The following C2CD2 variants were observed in gnomAD, a reference collection of about 807,000 sequenced individuals.
The protein encoded by C2CD2 is C2 calcium dependent domain containing 2, also known as C2 domain-containing protein 2.
A neutral mutation model predicts 74.3 loss-of-function variants in C2CD2; 43 were observed. The ratio of observed to expected loss-of-function variants is 0.58; its 90% CI spans 0.45 to 0.75. The LOEUF (loss-of-function observed/expected upper bound fraction) is 0.75, where lower values mean the gene tolerates loss of function less well. C2CD2 is among the 30% of genes least tolerant of loss of function. C2CD2 has a pLI of 0.00. For synonymous variants in C2CD2, 422 were observed against 390.7 expected (o/e 1.08, Z -0.94); for missense variants, 801 against 916.3 (o/e 0.87, Z 1.63).
chr21:41,921,931 T>A (rs2065158127), intron 3 of C2CD2, 41 bp downstream of exon 3: 5 of 1,229,782 alleles, frequency 4.1e-6, no homozygotes, highest in Non-Finnish European at 6.0e-6. Context: ...TTCTGAGAAC[T>A]GTGACGGGTC....
chr21:41,893,007 C>T (rs1330673736), intron 13 of C2CD2, among the ~76,000 whole-genome samples: 2 of 152,174 alleles, frequency 1.3e-5, no homozygotes, highest in African/African-American at 4.8e-5. Flanking sequence ...GTTCAAAAGA[C>T]CTTAGAACAG....
In C2CD2 at chr21:41,948,447, C is replaced by T. The variant is rs201786039; in HGVS notation, c.279+4923G>A. Reference sequence around the variant, plus strand: ...AAGGGGAGGATCAGGGACCTCTGAGCTGAGACCCAAAAGATTTAGAGAAGT... The same window carrying T: ...AAGGGGAGGATCAGGGACCTCTGAGTTGAGACCCAAAAGATTTAGAGAAGT... On this transcript the variant is annotated intron_variant, in intron 1 of 13. Transcript: ENST00000380486. 5.3e-5 allele frequency among the ~76,000 whole-genome samples: 8 copies of T among 152,312 alleles called. No homozygotes were observed. The East Asian group carries it at 1.5e-3, about 29-fold the overall frequency.
chr21:41,933,591 T>C (rs1569078671), intron 2 of C2CD2, among the ~76,000 whole-genome samples: 1 of 152,240 alleles, frequency 6.6e-6, no homozygotes, highest in Non-Finnish European at 1.5e-5. Context: ...TTGGCCAAGA[T>C]GCTCATCCAA....
chr21:41,936,937 G>A (rs984384828), intron 2 of C2CD2, among the ~76,000 whole-genome samples: 3 of 146,852 alleles, frequency 2.0e-5, no homozygotes, highest in African/African-American at 7.6e-5. Context: ...TCCTGCCTCA[G>A]CCTCCTAAGT....
At chr21:41,930,283 G>A (rs1459055443) in intron 2 of C2CD2, among the ~76,000 whole-genome samples, 1 of 150,184 alleles carries the variant, frequency 6.7e-6, no homozygotes, top group Non-Finnish European at 1.5e-5. Flanking sequence ...TGAAAGGGAG[G>A]TAAGAGGCTA....
rs1251468986 is a variant in C2CD2, at chr21:41,901,702, G to A, written c.1480C>T (p.Arg494Ter). Residue 494 changes from arginine to a stop codon, truncating the protein, a stop_gained, in exon 12 of 14, where the codon CGA (arginine) becomes TGA (stop). Coordinates refer to ENST00000380486, the MANE Select transcript of C2CD2 (RefSeq NM_015500.2). LOFTEE classifies it high-confidence loss of function. ...AGCTTTGAAGATTCACTGAGCTGTC[G>A]AATGGCCACTTCAGCCACTGGATCC... is the stretch of plus-strand genomic sequence containing the variant. ...GSDPVAEVAI[R>*]QLSESSKLKL... The A allele has an allele frequency of 3.1e-6, 5 of 1,613,688 alleles. No homozygotes were observed. The highest frequency in any genetic ancestry group is 1.1e-5 in the South Asian group (1 of 91,070).
At chr21:41,942,336 A>G in intron 1 of C2CD2, 91 bp from the exon 2 acceptor site, 2 of 963,644 alleles carry the variant, frequency 2.1e-6, no homozygotes, top group South Asian at 3.1e-5. Flanking sequence ...AAAAATTAAG[A>G]AAATGTACTA....
Position 41,888,852 on chromosome 21 carries a change from C to T in C2CD2, c.*272G>A, listed in dbSNP as rs1177905111. On this transcript the variant is annotated 3_prime_UTR_variant, in exon 14 of 14. Coordinates refer to ENST00000380486, the MANE Select transcript of C2CD2 (RefSeq NM_015500.2). Reference sequence around the variant, plus strand: ...TGTTAATCTCCTTCTAATATTGAACCCTAACCCTTAGCTATGAGCACAGCC... The same window carrying T: ...TGTTAATCTCCTTCTAATATTGAACTCTAACCCTTAGCTATGAGCACAGCC... The T allele has an allele frequency of 1.9e-6, 1 of 534,580 alleles. No homozygotes were observed. The highest frequency in any genetic ancestry group is 3.4e-6 in the Non-Finnish European group (1 of 296,740). The allele number at this position is 534,580 out of a possible 1,614,324, so 33.1% of individuals were successfully genotyped here.
Position 41,941,416 on chromosome 21 carries a change from G to A in C2CD2, c.378+731C>T, listed in dbSNP as rs568148021. Among the ~76,000 whole-genome samples the A allele has an allele frequency of 8.5e-5, 13 of 152,244 alleles. No homozygotes were observed. The East Asian group carries it at 1.7e-3, about 20-fold the overall frequency. ...AGAAAATGTCTTAGGACTTATTACA[G>A]AAGCTTTTATGCTTTATGCTATCTG... On this transcript the variant is annotated intron_variant, in intron 2 of 13. Coordinates refer to ENST00000380486, the MANE Select transcript of C2CD2 (RefSeq NM_015500.2).
Position 41,914,480 on chromosome 21 carries a change from TC to T in C2CD2, c.844+117del, listed in dbSNP as rs2065064961. On this transcript the variant is annotated intron_variant, in intron 6 of 13. Transcript: ENST00000380486. Reference sequence around the variant, plus strand: ...GTGCTTTCTGCAACCGTGGCAGGGCTCCCGCTGCACCCCCACGGGAGGATGC... The same window carrying T: ...GTGCTTTCTGCAACCGTGGCAGGGCTCCGCTGCACCCCCACGGGAGGATGC... The T allele has an allele frequency of 3.9e-6, 3 of 763,186 alleles. No individual in the cohort carries two copies. The African/African-American group carries it at 5.4e-5, about 14-fold the overall frequency. The allele number at this position is 763,186 out of a possible 1,614,324, so 47.3% of individuals were successfully genotyped here. A position where few individuals can be genotyped will look rare whatever the true frequency, so the allele number is the denominator to read the frequency against.
At position 41,911,694 on chromosome 21, in the gene C2CD2, T is replaced by C. The variant is rs200089375; in HGVS notation, c.953+638A>G. The stretch of plus-strand genomic sequence containing the variant: ...TGAGCTACTGTTCCCAGACTTTCTT[T>C]CTTTTTTTTTTTTTGAGACAGGGTA... On this transcript the variant is annotated intron_variant, in intron 7 of 13. Transcript: ENST00000380486. Among the ~76,000 whole-genome samples, 4 of 151,560 alleles carry C rather than the reference T, an allele frequency of 2.6e-5. No homozygotes were observed. In the East Asian group the frequency reaches 7.7e-4, roughly 29 times the overall value.
Position 41,918,385 on chromosome 21 carries a change from C to T in C2CD2, c.598-158G>A, listed in dbSNP as rs544283809. 3.3e-5 allele frequency among the ~76,000 whole-genome samples: 5 copies of T among 152,320 alleles called. 1 individual carries two copies. The South Asian group carries it at 8.3e-4, about 25-fold the overall frequency. On this transcript the variant is annotated intron_variant, in intron 4 of 13. Transcript: ENST00000380486. ...TTGCAAAAACTGTGGAAAGAAAGGACGCCCTGCCCTTGGAAGCAGCCTTCG... is the reference window on the plus strand; with the variant it reads ...TTGCAAAAACTGTGGAAAGAAAGGATGCCCTGCCCTTGGAAGCAGCCTTCG...
chr21:41,953,344 C>G (rs747551518), intron 1 of C2CD2, 26 bp downstream of exon 1: 1 of 1,378,946 alleles, frequency 7.3e-7, no homozygotes, highest in Non-Finnish European at 9.5e-7. Flanking sequence ...TCTGCCGCCC[C>G]CCGGCCCGCA....
chr21:41,926,526 G>C lies in C2CD2; in HGVS notation c.379-4441C>G, dbSNP rs969616803. On this transcript the variant is annotated intron_variant, in intron 2 of 13. Transcript: ENST00000380486. The surrounding 1 kb of genome is among the most constrained non-coding windows in gnomAD (Gnocchi z 8.0). ...CGGGGAGGCCTTCATTCACCTTCTC[G>C]GTGCTCTCTCCAGCCTCAACACCTT... The C allele has an allele frequency of 9.8e-6, 7 of 712,836 alleles. No homozygotes were observed. The highest frequency in any genetic ancestry group is 6.3e-5 in the South Asian group (1 of 15,796). The allele number at this position is 712,836 out of a possible 1,614,324, so 44.2% of individuals were successfully genotyped here.
At position 41,899,164 on chromosome 21, in the gene C2CD2, C is replaced by T. The variant is rs1225001135; in HGVS notation, c.1759G>A (p.Glu587Lys). 6.2e-7 allele frequency: 1 copy of T among 1,613,440 alleles called. No individual in the cohort carries two copies. ...CTGCTCCATGCCGCGGCCTGTGGCT[C>T]CTTCTCCAAGTCCCAGGAGTCTAGC... The part of the protein sequence containing the change: ...DELDSWDLEK[E>K]PQAAAWSSQV... The change falls in exon 13 of 14, where the codon GAG becomes AAG. Residue 587 changes from glutamate to lysine, a missense_variant. Physicochemically the swap from Glu to Lys is moderately conservative, Grantham distance 56. Transcript: ENST00000380486. The surrounding 1 kb of genome is among the most constrained non-coding windows in gnomAD (Gnocchi z 4.4).
In C2CD2 at chr21:41,922,461, A is replaced by G. The variant is rs944455159; in HGVS notation, c.379-376T>C. Reference sequence around the variant, plus strand: ...ATTGCAGGCATGAGCCACTGTGCTCAGCTGCCATAGGCATCTTTTTTTTTT... The same window carrying G: ...ATTGCAGGCATGAGCCACTGTGCTCGGCTGCCATAGGCATCTTTTTTTTTT... On this transcript the variant is annotated intron_variant, in intron 2 of 13. Transcript: ENST00000380486. 1.4e-4 allele frequency among the ~76,000 whole-genome samples: 21 copies of G among 145,966 alleles called. 3 individuals are homozygous for G. The highest frequency in any genetic ancestry group is 5.5e-4 in the Admixed American group (8 of 14,560).
chr21:41,945,113 A>G lies in C2CD2; in HGVS notation c.280-2868T>C, dbSNP rs1318319109. On this transcript the variant is annotated intron_variant, in intron 1 of 13. Transcript: ENST00000380486. This position sits in a 1 kb window ranked among gnomAD's most constrained non-coding sequence, Gnocchi z 4.2. ...TACTAGAACTGAACACATAAGTAGT[A>G]AGTAAATAAGACAGCAGGTGTGCAA... Among the ~76,000 whole-genome samples the G allele has an allele frequency of 6.6e-6, 1 of 152,254 alleles. No homozygotes were observed. Among genetic ancestry groups the G allele is most frequent in the Non-Finnish European group, 1.5e-5 (1 of 68,048 alleles).
chr21:41,927,808 G>A (rs2065228241), intron 2 of C2CD2, among the ~76,000 whole-genome samples: 1 of 152,168 alleles, frequency 6.6e-6, no homozygotes, highest in Admixed American at 6.5e-5. Context: ...AGGGGATTGA[G>A]ATGAAAAGGG....
chr21:41,907,572 G>A, intron 9 of C2CD2, 88 bp downstream of exon 9: 2 of 1,392,812 alleles, frequency 1.4e-6, no homozygotes, highest in Non-Finnish European at 2.0e-6. Flanking sequence ...ACAGAGGCAG[G>A]AGTGAGACTC....
Sources: gnomAD v4.1 joint callset for allele counts (sites outside exome capture counted in the v4.1 genomes callset) on GRCh38, gnomAD v4.1.1 for gene constraint, Gnocchi (gnomAD v3.1) non-coding constraint, MANE v1.5 for transcripts, NCBI Gene and HGNC (gene_info 2026-07-23, HGNC 2026-07-21) for gene names.